DLG2: variants seen among roughly 807,000 people sequenced by gnomAD.
DLG2 encodes the protein discs large MAGUK scaffold protein 2.
A neutral mutation model predicts 132.5 loss-of-function variants in DLG2; 45 were observed. The observed-to-expected ratio is 0.34, with a 90% CI of 0.27 to 0.44. The LOEUF is 0.44. Among genes scored for constraint, DLG2 ranks in the 20% least tolerant of loss-of-function variants. The pLI is 1.00. For synonymous variants in DLG2, 424 were observed against 419.6 expected, an observed-to-expected ratio of 1.01 and a Z score of -0.13; for missense variants, 1,045 against 1,196.9, an observed-to-expected ratio of 0.87 and a Z score of 1.87.
At chr11:84,867,171 A>T (rs1600257688) in intron 6 of DLG2, among the ~76,000 whole-genome samples, 1 of 152,232 alleles carries the variant, frequency 6.6e-6, no homozygotes, top group Non-Finnish European at 1.5e-5. Flanking sequence ...AGGGAGTCAC[A>T]GTAGAGTGAG....
Position 84,385,019 on chromosome 11 carries a change from T to C in DLG2, c.520-133728A>G, listed in dbSNP as rs1247737819. Among the ~76,000 whole-genome samples, 5 of 152,070 alleles carry C rather than the reference T, an allele frequency of 3.3e-5. No individual in the cohort carries two copies. The East Asian group carries it at 5.8e-4, about 18-fold the overall frequency. The stretch of plus-strand genomic sequence containing the variant: ...TCTTGAAAAAGGAGATGACAAGATA[T>C]AAAATCATGTGTATTTAAAGAAAAA... On this transcript the variant is annotated intron_variant, in intron 7 of 27. Coordinates refer to ENST00000376104, the MANE Select transcript of DLG2 (RefSeq NM_001142699.3).
intron 6 of DLG2, among the ~76,000 whole-genome samples, chr11:84,943,173 T>C (rs994058804): frequency 1.7e-4 from 25 of 143,230 alleles, no homozygotes; most frequent in South Asian, 8.6e-4. Context: ...TGTGCGTGTG[T>C]GTGTGTGTGT....
chr11:85,351,337 A>G (rs564044677), intron 3 of DLG2, among the ~76,000 whole-genome samples: 2 of 152,334 alleles, frequency 1.3e-5, no homozygotes, highest in East Asian at 3.9e-4. Flanking sequence ...TTCTAAATAT[A>G]CAATCATGTC....
At chr11:85,100,855 A>G (rs973157677) in intron 6 of DLG2, among the ~76,000 whole-genome samples, 2 of 152,208 alleles carry the variant, frequency 1.3e-5, no homozygotes, top group African/African-American at 4.8e-5. Flanking sequence ...AGAGAGGCTC[A>G]TAAACGTGAA....
At chr11:84,597,535 A>G (rs1315879289) in intron 6 of DLG2, among the ~76,000 whole-genome samples, 2 of 152,222 alleles carry the variant, frequency 1.3e-5, no homozygotes, top group African/African-American at 4.8e-5. Flanking sequence ...AGATGAAAGC[A>G]TACATATATT....
intron 11 of DLG2, among the ~76,000 whole-genome samples, chr11:83,987,923 C>A (rs1039154005): frequency 1.3e-5 from 2 of 152,120 alleles, no homozygotes; most frequent in Non-Finnish European, 2.9e-5. Flanking sequence ...TTGTTGGCAG[C>A]ATGGGTGTCT....
chr11:83,570,378 TA>T (rs982058571), intron 19 of DLG2, among the ~76,000 whole-genome samples: 7 of 152,318 alleles, frequency 4.6e-5, no homozygotes, highest in African/African-American at 1.7e-4. Flanking sequence ...AAGCACCCTG[TA>T]AACTGCAAAT....
chr11:83,748,656 A>T (rs766803093), intron 18 of DLG2, among the ~76,000 whole-genome samples: 1 of 152,240 alleles, frequency 6.6e-6, no homozygotes, highest in Non-Finnish European at 1.5e-5. Context: ...TAAGAAGACA[A>T]TGTTTAAACT....
chr11:84,165,271 C>T (rs753274774), intron 8 of DLG2, among the ~76,000 whole-genome samples: 6 of 152,250 alleles, frequency 3.9e-5, no homozygotes, highest in Non-Finnish European at 8.8e-5. Context: ...TAATAAATGT[C>T]TAAAGGCTCA....
At chr11:85,106,983 CT>C (rs2071858767) in intron 6 of DLG2, among the ~76,000 whole-genome samples, 1 of 151,936 alleles carries the variant, frequency 6.6e-6, no homozygotes, top group Non-Finnish European at 1.5e-5. Flanking sequence ...ACATTGTTTT[CT>C]GCTATACATT....
chr11:85,507,563 T>G (rs927019082), intron 3 of DLG2, among the ~76,000 whole-genome samples: 1 of 152,168 alleles, frequency 6.6e-6, no homozygotes, highest in Non-Finnish European at 1.5e-5. Flanking sequence ...GCTTGCAGAG[T>G]TTCTGCCGAG....
chr11:84,478,750 T>A (rs1443671213), intron 7 of DLG2, among the ~76,000 whole-genome samples: 1 of 152,060 alleles, frequency 6.6e-6, no homozygotes, highest in Non-Finnish European at 1.5e-5. Flanking sequence ...CTATGTATAT[T>A]TTTTTCAACA....
chr11:84,283,695 ATTTACTT>A (rs562598444), intron 7 of DLG2, among the ~76,000 whole-genome samples: 6 of 151,920 alleles, frequency 3.9e-5, no homozygotes, highest in Admixed American at 3.9e-4. Context: ...CCTCCATAGT[ATTTACTT>A]TTTAATTTTC....
chr11:83,578,048 G>A (rs2096909786), intron 19 of DLG2, among the ~76,000 whole-genome samples: 1 of 118,688 alleles, frequency 8.4e-6, no homozygotes, highest in Admixed American at 1.0e-4. Context: ...TATTTTGTGT[G>A]TGTGTGTGTA....
intron 6 of DLG2, among the ~76,000 whole-genome samples, chr11:84,677,714 C>CA (rs928574110): frequency 3.3e-5 from 5 of 151,528 alleles, no homozygotes; most frequent in East Asian, 1.9e-4. Flanking sequence ...CTGACCTCTG[C>CA]AAAAAAAGAA....
intron 6 of DLG2, among the ~76,000 whole-genome samples, chr11:84,936,155 ACGATAC>A (rs1335893842): frequency 1.6e-4 from 25 of 152,202 alleles, no homozygotes; most frequent in Non-Finnish European, 3.2e-4. Context: ...TGTTAGGCCT[ACGATAC>A]TGTATAAGTG....
At chr11:84,609,613 T>C (rs1476829222) in intron 6 of DLG2, among the ~76,000 whole-genome samples, 1 of 152,154 alleles carries the variant, frequency 6.6e-6, no homozygotes, top group Non-Finnish European at 1.5e-5. Context: ...CTGCCATAGA[T>C]GGGATGAAAA....
intron 6 of DLG2, among the ~76,000 whole-genome samples, chr11:84,619,528 G>A (rs1042655668): frequency 3.3e-5 from 5 of 151,098 alleles, no homozygotes; most frequent in Non-Finnish European, 5.9e-5. Flanking sequence ...AAGAATAAAA[G>A]AAGAAAGAAA....
At chr11:84,739,710 T>G (rs1233439134) in intron 6 of DLG2, among the ~76,000 whole-genome samples, 1 of 152,156 alleles carries the variant, frequency 6.6e-6, no homozygotes, top group East Asian at 1.9e-4. Context: ...CCATTTTTCC[T>G]CACATCTGCC....
Sources: gnomAD v4.1 joint callset for allele counts (sites outside exome capture counted in the v4.1 genomes callset) on GRCh38, gnomAD v4.1.1 for gene constraint, MANE v1.5 for transcripts, NCBI Gene and HGNC (gene_info 2026-07-23, HGNC 2026-07-21) for gene names.